DEF6: variants seen among roughly 807,000 people sequenced by gnomAD.
DEF6 encodes differentially expressed in FDCP 6 homolog.
Under a neutral mutation model 80.5 loss-of-function variants are expected in DEF6, and 32 were observed. That is an observed-to-expected ratio of 0.40 (90% CI 0.30 to 0.53). DEF6 has a LOEUF of 0.53. Among genes scored for constraint, DEF6 ranks in the 20% least tolerant of loss-of-function variants. DEF6 has a pLI of 0.57. For missense variants in DEF6, 575 were observed against 818.7 expected, an observed-to-expected ratio of 0.70 and a Z score of 3.63; for synonymous variants, 300 against 337.9, an observed-to-expected ratio of 0.89 and a Z score of 1.23.
At chr6:35,298,016 G>A (rs1190888124) in intron 1 of DEF6, 64 bp downstream of exon 1, 10 of 1,416,586 alleles carry the variant, frequency 7.1e-6, no homozygotes, top group African/African-American at 1.4e-5. Context: ...TGCCGCCTGG[G>A]AGCCAGGTGT....
intron 1 of DEF6, among the ~76,000 whole-genome samples, chr6:35,301,353 T>A (rs762567331): frequency 2.0e-5 from 3 of 152,172 alleles, no homozygotes; most frequent in Admixed American, 6.5e-5. Context: ...AGCACTTGAC[T>A]CAGAACCACG....
In DEF6 at chr6:35,321,467, TGGCCTGTGGGTGATCCC is replaced by T; in HGVS notation, c.*58_*74del. 1.3e-6 allele frequency: 2 copies of T among 1,524,290 alleles called. No individual in the cohort carries two copies. The highest frequency in any genetic ancestry group is 1.8e-6 in the Non-Finnish European group (2 of 1,111,174). The allele number at this position is 1,524,290 out of a possible 1,614,324, so 94.4% of individuals were successfully genotyped here. A position where few individuals can be genotyped will look rare whatever the true frequency, so the allele number is the denominator to read the frequency against. ...ATATCCACCAGGACCTGGCCACAGC[TGGCCTGTGGGTGATCCC>T]AGCTCTTACTAGGAGAGGGAGCTGA... is the stretch of plus-strand genomic sequence containing the variant. On this transcript the variant is annotated 3_prime_UTR_variant, in exon 11 of 11. Transcript: ENST00000316637.
intron 1 of DEF6, among the ~76,000 whole-genome samples, chr6:35,300,085 A>G (rs1329450800): frequency 2.0e-5 from 3 of 152,190 alleles, no homozygotes; most frequent in African/African-American, 7.2e-5. Flanking sequence ...GCAGTGGTGC[A>G]GTCATAGCTC....
At chr6:35,304,191 C>G (rs1791362361) in intron 1 of DEF6, among the ~76,000 whole-genome samples, 1 of 152,064 alleles carries the variant, frequency 6.6e-6, no homozygotes, top group South Asian at 2.1e-4. Flanking sequence ...TGTGATGGCG[C>G]ACGCCTACAG....
In DEF6 at chr6:35,297,850, C is replaced by G. The variant is rs1791255983; in HGVS notation, c.-7C>G. The G allele has an allele frequency of 8.2e-6, 13 of 1,591,498 alleles. No individual in the cohort carries two copies. The highest frequency in any genetic ancestry group is 1.1e-5 in the Non-Finnish European group (13 of 1,170,168). On this transcript the variant is annotated 5_prime_UTR_variant, in exon 1 of 11. Coordinates refer to ENST00000316637, the MANE Select transcript of DEF6 (RefSeq NM_022047.4). ...GAGCCGCCCCCAGCCGGGCGGGCGC[C>G]TCAGCCATGGCCCTGCGCAAGGAAC...
Position 35,309,760 on chromosome 6 carries a change from G to T in DEF6, c.187G>T (p.Val63Leu). ...CTTCCGAGATGATGATGACGGCCCTGTGTCCAGCCAGGGATACATGCCCTA... is the reference window on the plus strand; with the variant it reads ...CTTCCGAGATGATGATGACGGCCCTTTGTCCAGCCAGGGATACATGCCCTA... ...EHFRDDDDGP[V>L]SSQGYMPYLN... is the part of the protein sequence containing the mutation. The change falls in exon 2 of 11, where the codon GTG (valine) becomes TTG (leucine). Residue 63 changes from valine to leucine, a missense_variant. Transcript: ENST00000316637. 2.5e-6 allele frequency: 4 copies of T among 1,614,082 alleles called. No individual in the cohort carries two copies. Among genetic ancestry groups the T allele is most frequent in the Non-Finnish European group, 3.4e-6 (4 of 1,180,000 alleles).
rs1791541160 is a variant in DEF6 at position 35,317,926 on chromosome 6, C to T, written c.843C>T (p.Phe281=). 7 of 1,613,982 alleles carry T rather than the reference C, an allele frequency of 4.3e-6. No homozygotes were observed. Among genetic ancestry groups the T allele is most frequent in the South Asian group, 2.2e-5 (2 of 91,066 alleles). The part of the protein sequence containing the change: ...LPDRDGKRCM[F]CVKTANRTYE... ...ACCGCGACGGAAAGCGCTGCATGTT[C>T]TGTGTGAAGACAGCCAACCGCACGT... Residue 281 remains phenylalanine, a synonymous_variant, in exon 6 of 11, where the codon TTC becomes TTT. Coordinates refer to ENST00000316637, the MANE Select transcript of DEF6 (RefSeq NM_022047.4).
chr6:35,318,379 G>A lies in DEF6; in HGVS notation c.1123G>A (p.Glu375Lys). ...ELLQEAQRQA[E>K]RLLQEEEERR... is the part of the protein sequence containing the mutation. Reference sequence around the variant, plus strand: ...GCTGCAGGAGGCGCAGCGGCAGGCCGAGCGGCTGCTGCAGGAGGAGGAGGA... The same window carrying A: ...GCTGCAGGAGGCGCAGCGGCAGGCCAAGCGGCTGCTGCAGGAGGAGGAGGA... The change falls in exon 7 of 11, where the codon GAG becomes AAG. Residue 375 changes from glutamate to lysine, a missense_variant. Transcript: ENST00000316637. The surrounding 1 kb of genome is among the most constrained non-coding windows in gnomAD (Gnocchi z 5.1). 5 of 1,536,850 alleles carry A rather than the reference G, an allele frequency of 3.3e-6. No homozygotes were observed. Among genetic ancestry groups the A allele is most frequent in the South Asian group, 2.4e-5 (2 of 83,746 alleles).
chr6:35,305,549 AT>A (rs1044114842), intron 1 of DEF6, among the ~76,000 whole-genome samples: 111 of 149,708 alleles, frequency 7.4e-4, no homozygotes, highest in African/African-American at 2.0e-3. Flanking sequence ...GTTAGTGGTA[AT>A]TTTTTTTTTG....
rs1479718377 is a variant in DEF6 at position 35,319,979 on chromosome 6, G to A, written c.1543G>A (p.Val515Met). 1.3e-6 allele frequency: 2 copies of A among 1,565,512 alleles called. No individual in the cohort carries two copies. Among genetic ancestry groups the A allele is most frequent in the Non-Finnish European group, 1.7e-6 (2 of 1,154,456 alleles). ...LQQAQQQLEE[V>M]RQNRQRADED... ...GCAGGCCCAGCAGCAGCTGGAGGAG[G>A]TGCGGCAGAACCGGCAGAGGGCTGA... The change falls in exon 9 of 11, where the codon GTG (valine) becomes ATG (methionine). Residue 515 changes from valine (V) to methionine (M), a missense_variant. Transcript: ENST00000316637. This position sits in a 1 kb window ranked among gnomAD's most constrained non-coding sequence, Gnocchi z 4.5.
chr6:35,315,582 A>G (rs1222226573), intron 5 of DEF6, among the ~76,000 whole-genome samples: 1 of 152,148 alleles, frequency 6.6e-6, no homozygotes, highest in South Asian at 2.1e-4. Context: ...AATACATAGC[A>G]TGGGATATCT....
intron 1 of DEF6, 63 bp downstream of exon 1, chr6:35,298,015 G>A (rs1261586797): frequency 2.8e-6 from 4 of 1,413,308 alleles, no homozygotes; most frequent in Non-Finnish European, 9.7e-7. Context: ...CTGCCGCCTG[G>A]GAGCCAGGTG....
rs1791481185 is a variant in DEF6 at position 35,312,486 on chromosome 6, G to A, written c.608G>A (p.Ser203Asn). 1 of 1,614,166 alleles carries A rather than the reference G, an allele frequency of 6.2e-7. No homozygotes were observed. The highest frequency in any genetic ancestry group is 8.5e-7 in the Non-Finnish European group (1 of 1,180,040). Residue 203 changes from serine (S) to asparagine (N), a missense_variant, in exon 4 of 11, where the codon AGC becomes AAC. By Grantham distance (46) the Ser-to-Asn change is conservative (BLOSUM62 1). Coordinates refer to ENST00000316637, the MANE Select transcript of DEF6 (RefSeq NM_022047.4). The surrounding 1 kb of genome is among the most constrained non-coding windows in gnomAD (Gnocchi z 6.6). Reference protein sequence around the residue: ...CLRGVGRDTLSMAIHEVYQEL... With the variant: ...CLRGVGRDTLNMAIHEVYQEL... Reference sequence around the variant, plus strand: ...CGGGGCGTGGGCCGGGACACCCTCAGCATGGCCATCCACGAGGTCTACCAG... The same window carrying A: ...CGGGGCGTGGGCCGGGACACCCTCAACATGGCCATCCACGAGGTCTACCAG...
chr6:35,304,910 TCTC>T (rs1365243311), intron 1 of DEF6, among the ~76,000 whole-genome samples: 1 of 151,192 alleles, frequency 6.6e-6, no homozygotes, highest in Non-Finnish European at 1.5e-5. Flanking sequence ...GACAATATAT[TCTC>T]CTGGTTTAAA....
chr6:35,298,960 T>A (rs1169965215), intron 1 of DEF6, among the ~76,000 whole-genome samples: 1 of 152,204 alleles, frequency 6.6e-6, no homozygotes, highest in African/African-American at 2.4e-5. Context: ...ACCTCCATTC[T>A]TAATGACCGA....
At position 35,318,746 on chromosome 6, in the gene DEF6, C is replaced by A. The variant is rs891050667; in HGVS notation, c.1215+275C>A. Reference sequence around the variant, plus strand: ...GGATGGATGGGGCCTGGTTCGGAGACCTTGGCTGTGGGTTGGGGCTTGGGC... The same window carrying A: ...GGATGGATGGGGCCTGGTTCGGAGAACTTGGCTGTGGGTTGGGGCTTGGGC... On this transcript the variant is annotated intron_variant, in intron 7 of 10. Transcript: ENST00000316637. The surrounding 1 kb of genome is among the most constrained non-coding windows in gnomAD (Gnocchi z 5.1). Among the ~76,000 whole-genome samples the A allele has an allele frequency of 2.0e-5, 3 of 152,122 alleles. No individual in the cohort carries two copies. Among genetic ancestry groups the A allele is most frequent in the Admixed American group, 1.3e-4 (2 of 15,270 alleles).
rs1791566399 is a variant in DEF6, at chr6:35,319,752, C to A, written c.1382+62C>A. 6.2e-7 allele frequency: 1 copy of A among 1,610,608 alleles called. No individual in the cohort carries two copies. The highest frequency in any genetic ancestry group is 8.5e-7 in the Non-Finnish European group (1 of 1,177,468). On this transcript the variant is annotated intron_variant, in intron 8 of 10. Transcript: ENST00000316637. This position sits in a 1 kb window ranked among gnomAD's most constrained non-coding sequence, Gnocchi z 4.5. ...CCCTCCTGGAACACACCCCAGTTTT[C>A]CTGCTTGCTGTGCACCTGCAAGGTG...
At chr6:35,309,644 C>A in intron 1 of DEF6, 26 bp from the exon 2 acceptor site, 1 of 1,608,386 alleles carries the variant, frequency 6.2e-7, no homozygotes, top group South Asian at 1.1e-5. Flanking sequence ...TGCAGAAAGA[C>A]ACACTGCCAC....
Position 35,319,893 on chromosome 6 carries a change from G to T in DEF6, c.1457G>T (p.Arg486Leu), listed in dbSNP as rs865793540. The T allele has an allele frequency of 6.3e-7, 1 of 1,576,612 alleles. No individual in the cohort carries two copies. The highest frequency in any genetic ancestry group is 1.2e-5 in the South Asian group (1 of 86,202). ...GAGGAGCAGGAGCGCTACATCGAAC[G>T]GGCGCAGCAGGAGAAGGAAGAGCTG... is the stretch of plus-strand genomic sequence containing the variant. ...LKEEQERYIERAQQEKEELQQ... is the reference protein window; with the variant it reads ...LKEEQERYIELAQQEKEELQQ... Residue 486 changes from arginine to leucine, a missense_variant, in exon 9 of 11, where the codon CGG becomes CTG. By Grantham distance (102) the Arg-to-Leu change is moderately radical. Transcript: ENST00000316637. This position sits in a 1 kb window ranked among gnomAD's most constrained non-coding sequence, Gnocchi z 4.5.
Sources: allele counts gnomAD v4.1 joint callset (sites outside exome capture counted in the v4.1 genomes callset), GRCh38; gene constraint gnomAD v4.1.1; non-coding constraint Gnocchi (gnomAD v3.1); transcripts MANE v1.5; gene names NCBI Gene and HGNC (gene_info 2026-07-23, HGNC 2026-07-21).